Variants in HYCC1 observed in about 807,000 individuals in gnomAD.
HYCC1 encodes hyccin PI4KA lipid kinase complex subunit 1, also known as hyccin.
At chr7:22,983,328 C>CAAA in the HYCC1 span, among the ~76,000 whole-genome samples, 1,811 of 111,156 alleles carry the variant, frequency 0.016, 41 homozygotes, top group African/African-American at 0.063. Flanking sequence ...GACCCTGTCT[C>CAAA]AAAAAAAAAA....
At chr7:22,901,991 C>G in the HYCC1 span, among the ~76,000 whole-genome samples, 2 of 152,230 alleles carry the variant, frequency 1.3e-5, no homozygotes, top group Admixed American at 1.3e-4. Context: ...TTCAAGTACA[C>G]ATGGTACATT....
the HYCC1 span, among the ~76,000 whole-genome samples, chr7:22,980,177 G>A: frequency 3.9e-5 from 6 of 151,910 alleles, no homozygotes; most frequent in Admixed American, 1.3e-4. Flanking sequence ...TGGGAAATAC[G>A]GACAGTGTCT....
At chr7:22,926,940 A>T in the HYCC1 span, among the ~76,000 whole-genome samples, 5 of 151,918 alleles carry the variant, frequency 3.3e-5, no homozygotes, top group Non-Finnish European at 5.9e-5. Flanking sequence ...GAAGTAAAGC[A>T]CTCCTCAGCA....
At chr7:22,962,486 CAG>C in the HYCC1 span, among the ~76,000 whole-genome samples, 1 of 150,952 alleles carries the variant, frequency 6.6e-6, no homozygotes, top group Admixed American at 6.6e-5. Context: ...CTTTATCACA[CAG>C]AACAAAAATT....
the HYCC1 span, among the ~76,000 whole-genome samples, chr7:22,962,963 A>T: frequency 6.6e-6 from 1 of 152,112 alleles, no homozygotes; most frequent in Admixed American, 6.5e-5. Context: ...CCACCTAAGT[A>T]CCAGGTAGCA....
the HYCC1 span, among the ~76,000 whole-genome samples, chr7:22,917,182 T>C: frequency 6.6e-6 from 1 of 152,102 alleles, no homozygotes; most frequent in Admixed American, 6.5e-5. Flanking sequence ...TCACTCCCAC[T>C]TACTCCCCCA....
At chr7:22,905,148 C>T in the HYCC1 span, among the ~76,000 whole-genome samples, 11 of 152,204 alleles carry the variant, frequency 7.2e-5, 1 homozygote, top group African/African-American at 1.7e-4. Context: ...GATCCACCCC[C>T]GTGATCCAAA....
the HYCC1 span, among the ~76,000 whole-genome samples, chr7:22,904,507 A>C: frequency 6.6e-6 from 1 of 151,962 alleles, no homozygotes; most frequent in Non-Finnish European, 1.5e-5. Context: ...CCTGGAAAGC[A>C]AAGTGAAGTA....
the HYCC1 span, chr7:22,941,950 TA>T: frequency 6.6e-6 from 1 of 152,196 alleles, no homozygotes; most frequent in Non-Finnish European, 1.5e-5. Context: ...AAGTGGTTTT[TA>T]AAAAATATTT....
the HYCC1 span, among the ~76,000 whole-genome samples, chr7:22,909,700 C>T: frequency 3.3e-5 from 5 of 152,156 alleles, no homozygotes; most frequent in African/African-American, 1.2e-4. Flanking sequence ...TAGATCTTTC[C>T]TCCTGTAGTT....
At chr7:22,969,926 T>C in the HYCC1 span, among the ~76,000 whole-genome samples, 4 of 152,224 alleles carry the variant, frequency 2.6e-5, no homozygotes, top group Admixed American at 2.0e-4. Flanking sequence ...AGATGGTTCC[T>C]GGATTGAATA....
the HYCC1 span, among the ~76,000 whole-genome samples, chr7:22,950,522 AAGACATG>A: frequency 1.3e-5 from 2 of 152,024 alleles, no homozygotes; most frequent in African/African-American, 4.8e-5. Context: ...AAACATACAG[AAGACATG>A]AGAAGGGTAA....
the HYCC1 span, among the ~76,000 whole-genome samples, chr7:23,012,488 A>G: frequency 2.6e-5 from 4 of 152,300 alleles, no homozygotes; most frequent in African/African-American, 7.2e-5. Flanking sequence ...AACGAGCCAA[A>G]TCCAGAATTT....
At chr7:22,972,024 T>C in the HYCC1 span, among the ~76,000 whole-genome samples, 2 of 152,138 alleles carry the variant, frequency 1.3e-5, no homozygotes, top group African/African-American at 4.8e-5. Flanking sequence ...CAACCAGAAA[T>C]GACCTTATAT....
chr7:22,980,272 A>ACG, the HYCC1 span, among the ~76,000 whole-genome samples: 15 of 121,858 alleles, frequency 1.2e-4, no homozygotes, highest in Admixed American at 1.1e-3. Flanking sequence ...GCATTTTTTA[A>ACG]TGTTTTTTTT....
At chr7:22,976,205 T>C in the HYCC1 span, 17 of 1,579,104 alleles carry the variant, frequency 1.1e-5, no homozygotes, top group African/African-American at 2.7e-5. Context: ...TGAATTTTAC[T>C]TTACCTTGAA....
chr7:22,976,775 T>C, the HYCC1 span: 1 of 1,613,322 alleles, frequency 6.2e-7, no homozygotes, highest in Non-Finnish European at 8.5e-7. Flanking sequence ...GATAGTGCAC[T>C]CTCAGTCAGA....
chr7:22,977,313 A>G, the HYCC1 span: 43 of 1,376,534 alleles, frequency 3.1e-5, no homozygotes, highest in Non-Finnish European at 4.5e-5. Context: ...TAGGGTCAAT[A>G]AACTTACTGT....
At chr7:23,013,002 C>T in the HYCC1 span, among the ~76,000 whole-genome samples, 1 of 152,190 alleles carries the variant, frequency 6.6e-6, no homozygotes, top group Non-Finnish European at 1.5e-5. Flanking sequence ...AAGAGCGCCG[C>T]GGCTGCCAGG....
Sources: gnomAD v4.1 joint callset for allele counts (sites outside exome capture counted in the v4.1 genomes callset) on GRCh38, gnomAD v4.1.1 for gene constraint, MANE v1.5 for transcripts, NCBI Gene and HGNC (gene_info 2026-07-23, HGNC 2026-07-21) for gene names.